CFAP299: variants seen among roughly 807,000 people sequenced by gnomAD.
CFAP299 encodes cilia and flagella associated protein 299, also known as cilia- and flagella-associated protein 299.
A neutral mutation model predicts 27.0 loss-of-function variants in CFAP299; 21 were observed. The observed-to-expected ratio is 0.78, with a 90% CI of 0.55 to 1.12. CFAP299 has a LOEUF of 1.12. CFAP299 is among the 50% of genes most tolerant of loss of function. CFAP299 has a pLI of 0.00. For missense variants in CFAP299, 310 were observed against 276.6 expected, an observed-to-expected ratio of 1.12 and a Z score of -0.86; for synonymous variants, 104 against 98.1, an observed-to-expected ratio of 1.06 and a Z score of -0.36.
chr4:80,393,616 A>T (rs1725616213), intron 2 of CFAP299, among the ~76,000 whole-genome samples: 1 of 152,194 alleles, frequency 6.6e-6, no homozygotes, highest in Non-Finnish European at 1.5e-5. Flanking sequence ...AGTATTCAGT[A>T]CAGTAACATG....
chr4:80,621,604 G>A (rs1231862105), intron 3 of CFAP299, among the ~76,000 whole-genome samples: 2 of 152,012 alleles, frequency 1.3e-5, no homozygotes, highest in Non-Finnish European at 2.9e-5. Flanking sequence ...ATTTCTGTAT[G>A]CCAAGCACTA....
At chr4:80,917,080 A>G (rs530814566) in intron 4 of CFAP299, among the ~76,000 whole-genome samples, 1 of 152,246 alleles carries the variant, frequency 6.6e-6, no homozygotes, top group South Asian at 2.1e-4. Flanking sequence ...ATGTTAGGAA[A>G]AGGAAGGTAG....
At chr4:80,542,271 T>C (rs1734032759) in intron 2 of CFAP299, among the ~76,000 whole-genome samples, 1 of 152,182 alleles carries the variant, frequency 6.6e-6, no homozygotes. Flanking sequence ...TTTTCTTTAC[T>C]TAGTTTGCAT....
intron 3 of CFAP299, among the ~76,000 whole-genome samples, chr4:80,691,598 G>A (rs1347136925): frequency 2.0e-5 from 3 of 151,438 alleles, no homozygotes; most frequent in Admixed American, 6.6e-5. Context: ...TACTGAATGG[G>A]CAAAAACTGG....
intron 3 of CFAP299, among the ~76,000 whole-genome samples, chr4:80,792,377 C>A (rs1727620314): frequency 6.6e-6 from 1 of 151,992 alleles, no homozygotes; most frequent in South Asian, 2.1e-4. Context: ...TTGGATTAAA[C>A]TCCTAAACTG....
chr4:80,395,640 G>A (rs907820162), intron 2 of CFAP299, among the ~76,000 whole-genome samples: 2 of 152,082 alleles, frequency 1.3e-5, no homozygotes, highest in Admixed American at 6.6e-5. Flanking sequence ...TATGTTTAAT[G>A]AGTCCTAACT....
At chr4:80,704,966 G>A (rs536318672) in intron 3 of CFAP299, among the ~76,000 whole-genome samples, 56 of 151,832 alleles carry the variant, frequency 3.7e-4, no homozygotes, top group African/African-American at 1.3e-3. Context: ...CTATGGAAAG[G>A]ATAGCATAGA....
chr4:80,390,421 C>A (rs111855647), intron 2 of CFAP299, among the ~76,000 whole-genome samples: 1 of 151,192 alleles, frequency 6.6e-6, no homozygotes, highest in African/African-American at 2.4e-5. Flanking sequence ...CCTCCAGGTT[C>A]ATAGTGATGT....
chr4:80,621,288 A>G (rs1045139917), intron 3 of CFAP299, among the ~76,000 whole-genome samples: 26 of 152,270 alleles, frequency 1.7e-4, no homozygotes, highest in Admixed American at 1.6e-3. Flanking sequence ...TAGTTCTATT[A>G]GGATAGTTTA....
intron 3 of CFAP299, among the ~76,000 whole-genome samples, chr4:80,848,641 G>A (rs76420862): frequency 1.1e-4 from 16 of 152,178 alleles, no homozygotes; most frequent in African/African-American, 3.6e-4. Context: ...GCTGAGTGTG[G>A]TGGCACTTGT....
chr4:80,421,626 A>G (rs1034810342), intron 2 of CFAP299, among the ~76,000 whole-genome samples: 2 of 152,220 alleles, frequency 1.3e-5, no homozygotes, highest in Non-Finnish European at 2.9e-5. Context: ...AAATAACTTA[A>G]CGTACACTAA....
chr4:80,782,760 A>G (rs1312263541), intron 3 of CFAP299, among the ~76,000 whole-genome samples: 1 of 145,480 alleles, frequency 6.9e-6, no homozygotes, highest in Non-Finnish European at 1.5e-5. Context: ...ATATATGAAT[A>G]TATAATATAT....
intron 4 of CFAP299, among the ~76,000 whole-genome samples, chr4:80,902,013 T>A (rs372189057): frequency 6.6e-6 from 1 of 152,056 alleles, no homozygotes; most frequent in East Asian, 1.9e-4. Context: ...TATATTTATA[T>A]GGCATTGTGA....
chr4:80,643,422 G>A (rs1215032761), intron 3 of CFAP299, among the ~76,000 whole-genome samples: 1 of 152,170 alleles, frequency 6.6e-6, no homozygotes, highest in Non-Finnish European at 1.5e-5. Context: ...ATAAAGGATT[G>A]TGGATAAATG....
chr4:80,529,631 A>C (rs1733367759), intron 2 of CFAP299, among the ~76,000 whole-genome samples: 1 of 152,216 alleles, frequency 6.6e-6, no homozygotes, highest in Non-Finnish European at 1.5e-5. Flanking sequence ...GAGTTATTTC[A>C]AAAAGCTATC....
At chr4:80,692,121 A>G (rs572871887) in intron 3 of CFAP299, among the ~76,000 whole-genome samples, 2 of 152,334 alleles carry the variant, frequency 1.3e-5, no homozygotes, top group Non-Finnish European at 2.9e-5. Context: ...CATACTGCCC[A>G]AGATAATTTA....
intron 3 of CFAP299, among the ~76,000 whole-genome samples, chr4:80,787,832 A>T (rs1413021811): frequency 6.6e-6 from 1 of 151,674 alleles, no homozygotes; most frequent in Non-Finnish European, 1.5e-5. Flanking sequence ...ATTTTTGGTC[A>T]TGCTATCCAT....
At chr4:80,890,985 C>G (rs553591072) in intron 4 of CFAP299, among the ~76,000 whole-genome samples, 1 of 151,878 alleles carries the variant, frequency 6.6e-6, no homozygotes, top group Admixed American at 6.6e-5. Context: ...GAGTAGGTTG[C>G]GAAAATTCTC....
intron 2 of CFAP299, among the ~76,000 whole-genome samples, chr4:80,522,506 A>G (rs970517624): frequency 6.6e-6 from 1 of 151,888 alleles, no homozygotes; most frequent in African/African-American, 2.4e-5. Flanking sequence ...TTTTAATTTG[A>G]TGTATTCTCA....
Sources: gnomAD v4.1 joint callset for allele counts (sites outside exome capture counted in the v4.1 genomes callset) on GRCh38, gnomAD v4.1.1 for gene constraint, MANE v1.5 for transcripts, NCBI Gene and HGNC (gene_info 2026-07-23, HGNC 2026-07-21) for gene names.